The following PCDHA6 variants were observed in gnomAD, a reference collection of about 807,000 sequenced individuals.
PCDHA6 encodes the protein protocadherin alpha 6.
In PCDHA6, 55 loss-of-function variants were observed where a neutral mutation model predicts 60.3. The ratio of observed to expected loss-of-function variants is 0.91; its 90% CI spans 0.73 to 1.14. PCDHA6 has a LOEUF of 1.14. Among genes scored for constraint, PCDHA6 ranks in the 50% most tolerant of loss-of-function variants. The pLI is 0.00. For missense variants in PCDHA6, 1,327 were observed against 1,256.5 expected (o/e 1.06, Z -0.85); for synonymous variants, 652 against 557.9 (o/e 1.17, Z -2.38).
At chr5:140,942,663 A>G (rs2153659608) in intron 1 of PCDHA6, among the ~76,000 whole-genome samples, 1 of 152,294 alleles carries the variant, frequency 6.6e-6, no homozygotes, top group African/African-American at 2.4e-5. Context: ...AAAAGCAATA[A>G]GCACAAAAGT....
chr5:140,856,885 AT>A lies in PCDHA6; in HGVS notation c.2394+26403del, dbSNP rs781799139. 34 of 1,596,494 alleles carry A rather than the reference AT, an allele frequency of 2.1e-5. 3 individuals carry two copies. Among genetic ancestry groups the A allele is most frequent in the Non-Finnish European group, 2.9e-5 (34 of 1,166,312 alleles). ...GAATAAACAAGGAAATGATGTATTC[AT>A]TTAGCTCTTTGGTCCCACCCACGAT... On this transcript the variant is annotated intron_variant, in intron 1 of 3. Transcript: ENST00000529310.
chr5:141,006,207 T>C (rs1434083054), intron 3 of PCDHA6, among the ~76,000 whole-genome samples: 4 of 150,998 alleles, frequency 2.6e-5, no homozygotes, highest in Non-Finnish European at 5.9e-5. Context: ...TTATGCCTCA[T>C]TTTTTTTTAA....
At chr5:140,990,792 T>C (rs1554251750) in intron 3 of PCDHA6, among the ~76,000 whole-genome samples, 2 of 152,176 alleles carry the variant, frequency 1.3e-5, no homozygotes, top group African/African-American at 4.8e-5. Flanking sequence ...CGATGAACCA[T>C]GGAATACAGA....
chr5:140,883,332 T>A, intron 1 of PCDHA6: 1 of 1,614,174 alleles, frequency 6.2e-7, no homozygotes, highest in East Asian at 2.2e-5. Context: ...ATCACTTCTT[T>A]GTCACTCCCC....
At chr5:140,907,995 C>T (rs1441720086) in intron 1 of PCDHA6, among the ~76,000 whole-genome samples, 9 of 152,166 alleles carry the variant, frequency 5.9e-5, no homozygotes, top group African/African-American at 1.9e-4. Flanking sequence ...AGTCCTTAAC[C>T]ATCCAGCCAA....
chr5:140,868,933 T>C, intron 1 of PCDHA6: 1 of 1,104,696 alleles, frequency 9.1e-7, no homozygotes, highest in Non-Finnish European at 1.3e-6. Flanking sequence ...ATTTAAAGGT[T>C]GGTCTGAACA....
intron 3 of PCDHA6, among the ~76,000 whole-genome samples, chr5:140,990,557 A>G (rs782726055): frequency 2.0e-5 from 3 of 152,166 alleles, no homozygotes; most frequent in Non-Finnish European, 4.4e-5. Flanking sequence ...TTACCCAAGA[A>G]CACACACCTG....
chr5:140,891,433 G>A (rs1256174929), intron 1 of PCDHA6, among the ~76,000 whole-genome samples: 1 of 145,874 alleles, frequency 6.9e-6, no homozygotes, highest in African/African-American at 2.6e-5. Flanking sequence ...AGTCCCCAAC[G>A]TCCATTGTAT....
intron 1 of PCDHA6, chr5:140,870,827 C>T (rs782048793): frequency 8.1e-6 from 13 of 1,613,648 alleles, no homozygotes; most frequent in Non-Finnish European, 9.3e-6. Context: ...GCGGGAGGCG[C>T]AGTTAACAAG....
intron 1 of PCDHA6, chr5:140,882,018 A>G (rs2058907575): frequency 1.8e-6 from 1 of 559,242 alleles, no homozygotes; most frequent in South Asian, 4.1e-5. Flanking sequence ...AAAATACTAC[A>G]TCAATGGAAA....
At chr5:140,974,040 T>C (rs1554235767) in intron 1 of PCDHA6, among the ~76,000 whole-genome samples, 2 of 152,260 alleles carry the variant, frequency 1.3e-5, no homozygotes, top group African/African-American at 4.8e-5. Context: ...TTTAGCTTAT[T>C]AATATGATAA....
chr5:140,876,286 G>C (rs782471001), intron 1 of PCDHA6: 14 of 1,614,040 alleles, frequency 8.7e-6, no homozygotes, highest in Non-Finnish European at 1.0e-5. Context: ...TCCAGACGAA[G>C]GACTTAATGG....
rs200338376 is a variant in PCDHA6, at chr5:140,927,680, G to C, written c.2395-51269G>C. On this transcript the variant is annotated intron_variant, in intron 1 of 3. Transcript: ENST00000529310. ...GTTCAAGCCTTGGATCCAGATGAAGGGTCCAATGGGGAAGTCCAGTACTCC... is the reference window on the plus strand; with the variant it reads ...GTTCAAGCCTTGGATCCAGATGAAGCGTCCAATGGGGAAGTCCAGTACTCC... The C allele has an allele frequency of 2.2e-5, 36 of 1,614,022 alleles. No individual in the cohort carries two copies. The Admixed American group carries it at 4.5e-4, about 20-fold the overall frequency.
rs1358693370 is a variant in PCDHA6, at chr5:140,846,736, G to C, written c.2394+16251G>C. 1.3e-5 allele frequency among the ~76,000 whole-genome samples: 2 copies of C among 149,142 alleles called. 1 individual carries two copies. Among genetic ancestry groups the C allele is most frequent in the Non-Finnish European group, 3.0e-5 (2 of 66,802 alleles). On this transcript the variant is annotated intron_variant, in intron 1 of 3. Coordinates refer to ENST00000529310, the MANE Select transcript of PCDHA6 (RefSeq NM_018909.4). ...ACCAGTCTTCATTAAACATTAAATA[G>C]GACCCTTACAGATCTCTAACAGCAT...
chr5:140,875,603 T>C (rs2055641899), intron 1 of PCDHA6: 1 of 1,613,724 alleles, frequency 6.2e-7, no homozygotes, highest in Admixed American at 1.7e-5. Context: ...CACGGCACCT[T>C]CGTGGGCCGC....
intron 1 of PCDHA6, among the ~76,000 whole-genome samples, chr5:140,855,122 G>C (rs1327374532): frequency 1.3e-5 from 2 of 149,706 alleles, no homozygotes; most frequent in African/African-American, 4.9e-5. Flanking sequence ...CATTCTATAG[G>C]TAATAATTTT....
At chr5:140,871,316 TGGTGTGCTCCCGCGC>T in intron 1 of PCDHA6, 1 of 1,614,034 alleles carries the variant, frequency 6.2e-7, no homozygotes, top group Non-Finnish European at 8.5e-7. Context: ...AAGCCCACGC[TGGTGTGCTCCCGCGC>T]GGTGGGGAGC....
intron 1 of PCDHA6, among the ~76,000 whole-genome samples, chr5:140,924,668 G>T (rs2081943079): frequency 6.6e-6 from 1 of 152,142 alleles, no homozygotes; most frequent in Non-Finnish European, 1.5e-5. Context: ...GCCGAGGCAG[G>T]CCAATCACTT....
rs370299841 is a variant in PCDHA6, at chr5:140,841,414, C to T, written c.2394+10929C>T. 3 of 1,612,904 alleles carry T rather than the reference C, an allele frequency of 1.9e-6. 1 individual carries two copies. In the African/African-American group the frequency reaches 4.0e-5, roughly 22 times the overall value. ...CCTGGAAGGTGGGGAGCGGCCAGCT[C>T]CACTACTCCGTCCCCGAGGAGGCCA... On this transcript the variant is annotated intron_variant, in intron 1 of 3. Transcript: ENST00000529310.
Sources: allele counts gnomAD v4.1 joint callset (sites outside exome capture counted in the v4.1 genomes callset), GRCh38; gene constraint gnomAD v4.1.1; transcripts MANE v1.5; gene names NCBI Gene and HGNC (gene_info 2026-07-23, HGNC 2026-07-21).